LRMDA: variants seen among roughly 807,000 people sequenced by gnomAD.
LRMDA encodes the protein leucine-rich melanocyte differentiation-associated protein.
A neutral mutation model predicts 29.8 loss-of-function variants in LRMDA; 18 were observed. That is an observed-to-expected ratio of 0.60 (90% CI 0.42 to 0.90). The LOEUF (loss-of-function observed/expected upper bound fraction) is 0.90. Ranked by LOEUF, LRMDA falls within the 40% of genes least tolerant of loss-of-function variation. The pLI, the probability that LRMDA is intolerant of heterozygous loss-of-function variation, is 0.00. For missense variants in LRMDA, 273 were observed against 273.9 expected (o/e 1.00, Z 0.02); for synonymous variants, 125 against 109.4 (o/e 1.14, Z -0.89).
intron 2 of LRMDA, among the ~76,000 whole-genome samples, chr10:75,855,572 G>T (rs1274667630): frequency 6.6e-6 from 1 of 152,176 alleles, no homozygotes; most frequent in Non-Finnish European, 1.5e-5. Context: ...AGTTTAATTA[G>T]ATCCCATCTG....
intron 2 of LRMDA, among the ~76,000 whole-genome samples, chr10:75,697,850 T>TGC (rs1554821101): frequency 2.2e-4 from 34 of 151,702 alleles, no homozygotes; most frequent in Admixed American, 1.6e-3. Flanking sequence ...TGTGTGTGTG[T>TGC]GCGTGTGTGT....
At chr10:76,321,396 C>T (rs1840768838) in intron 5 of LRMDA, among the ~76,000 whole-genome samples, 1 of 152,166 alleles carries the variant, frequency 6.6e-6, no homozygotes. Flanking sequence ...AAAATCGTAT[C>T]TTGTTTTAAT....
At chr10:75,566,142 A>T (rs1840369432) in intron 2 of LRMDA, among the ~76,000 whole-genome samples, 1 of 152,188 alleles carries the variant, frequency 6.6e-6, no homozygotes, top group South Asian at 2.1e-4. Context: ...AGCTTTTAGG[A>T]TGGAGGGCTT....
chr10:76,295,220 A>G (rs1437592000), intron 5 of LRMDA, among the ~76,000 whole-genome samples: 1 of 152,204 alleles, frequency 6.6e-6, no homozygotes, highest in Non-Finnish European at 1.5e-5. Flanking sequence ...ATTAAACAAA[A>G]TGATATTCTT....
intron 2 of LRMDA, among the ~76,000 whole-genome samples, chr10:75,656,590 G>A (rs1348489969): frequency 6.6e-6 from 1 of 152,090 alleles, no homozygotes; most frequent in African/African-American, 2.4e-5. Flanking sequence ...GCCCCTGTTT[G>A]TCCCCCATTA....
At chr10:75,763,455 G>A (rs907668019) in intron 2 of LRMDA, among the ~76,000 whole-genome samples, 1 of 152,076 alleles carries the variant, frequency 6.6e-6, no homozygotes, top group Non-Finnish European at 1.5e-5. Context: ...GGGTTCTTTG[G>A]ATTTTCATTT....
intron 6 of LRMDA, among the ~76,000 whole-genome samples, chr10:76,527,934 A>G (rs994470686): frequency 1.3e-5 from 2 of 152,184 alleles, no homozygotes; most frequent in African/African-American, 2.4e-5. Context: ...CATAAAACAC[A>G]GTGAGAAACA....
rs373923919 is a variant in LRMDA, at chr10:76,065,709, A to G, written c.516+6926A>G. Among the ~76,000 whole-genome samples, 19 of 152,336 alleles carry G rather than the reference A, an allele frequency of 1.2e-4. No individual in the cohort carries two copies. In the East Asian group the frequency reaches 3.7e-3, roughly 29 times the overall value. Reference sequence around the variant, plus strand: ...AACTGGGAGAAGTGTGGTAGATTGCATTGTTTGTCTAAAACCATTCCTTTC... The same window carrying G: ...AACTGGGAGAAGTGTGGTAGATTGCGTTGTTTGTCTAAAACCATTCCTTTC... On this transcript the variant is annotated intron_variant, in intron 5 of 6. Coordinates refer to ENST00000611255, the MANE Select transcript of LRMDA (RefSeq NM_001305581.2).
intron 5 of LRMDA, among the ~76,000 whole-genome samples, chr10:76,202,739 G>A (rs1851455974): frequency 2.0e-5 from 3 of 152,026 alleles, no homozygotes; most frequent in South Asian, 2.1e-4. Context: ...TTAGCTCATG[G>A]AAGGGGAACT....
At chr10:76,363,173 GAAA>G (rs1564520649) in intron 6 of LRMDA, among the ~76,000 whole-genome samples, 2,581 of 36,078 alleles carry the variant, frequency 0.072, 175 homozygotes, top group Middle Eastern at 0.11. Context: ...AAGAAAGAAA[GAAA>G]GGAGGGAGGG....
At chr10:75,649,009 A>G (rs970707713) in intron 2 of LRMDA, among the ~76,000 whole-genome samples, 1 of 152,198 alleles carries the variant, frequency 6.6e-6, no homozygotes, top group African/African-American at 2.4e-5. Context: ...TATACAGTTC[A>G]GTGGCATTAA....
chr10:76,505,371 A>G (rs1080874), intron 6 of LRMDA, among the ~76,000 whole-genome samples: 101,078 of 151,908 alleles, frequency 0.67, 35,731 homozygotes, highest in Non-Finnish European at 0.81. Flanking sequence ...GATTGGAGAA[A>G]TGTTCATGGA....
intron 2 of LRMDA, among the ~76,000 whole-genome samples, chr10:75,576,010 T>G (rs1840501629): frequency 6.7e-6 from 1 of 150,140 alleles, no homozygotes; most frequent in Non-Finnish European, 1.5e-5. Flanking sequence ...GGAATGCCAG[T>G]GAGACAGAAC....
Position 76,549,127 on chromosome 10 carries a change from A to G in LRMDA, c.602-8082A>G, listed in dbSNP as rs145099770. On this transcript the variant is annotated intron_variant, in intron 6 of 6. Transcript: ENST00000611255. ...CACCTCCCCTTCTTCTTCTAAGATGACAAGCCTCATTTCAGCTGCCCTGGG... is the reference window on the plus strand; with the variant it reads ...CACCTCCCCTTCTTCTTCTAAGATGGCAAGCCTCATTTCAGCTGCCCTGGG... Among the ~76,000 whole-genome samples, 1,125 of 152,162 alleles carry G rather than the reference A, an allele frequency of 7.4e-3. 9 individuals carry two copies. The highest frequency in any genetic ancestry group is 0.027 in the Middle Eastern group (8 of 294).
At chr10:76,465,593 A>G (rs560735052) in intron 6 of LRMDA, among the ~76,000 whole-genome samples, 1 of 152,196 alleles carries the variant, frequency 6.6e-6, no homozygotes, top group Non-Finnish European at 1.5e-5. Context: ...GTTTTGTACG[A>G]CCACTCCTGG....
intron 2 of LRMDA, among the ~76,000 whole-genome samples, chr10:76,005,409 T>C (rs994860305): frequency 2.6e-5 from 4 of 152,268 alleles, no homozygotes; most frequent in African/African-American, 9.6e-5. Flanking sequence ...GAAGAGAACA[T>C]AGCTATCTTG....
intron 5 of LRMDA, among the ~76,000 whole-genome samples, chr10:76,201,435 G>T (rs1188786274): frequency 1.3e-5 from 2 of 152,204 alleles, no homozygotes; most frequent in Admixed American, 6.5e-5. Context: ...GAGCTGAAAT[G>T]ATTTGTCGAA....
rs1191165482 is a variant in LRMDA, at chr10:76,429,041, A to AAC, written c.601+104572_601+104573dup. On this transcript the variant is annotated intron_variant, in intron 6 of 6. Transcript: ENST00000611255. ...CCAATTATACACACACACACACACA[A>AAC]ACACACACACACACACATTCCCCAC... Among the ~76,000 whole-genome samples, 93 of 64,030 alleles carry AAC rather than the reference A, an allele frequency of 1.5e-3. 1 individual carries two copies. Among genetic ancestry groups the AAC allele is most frequent in the African/African-American group, 3.8e-3 (76 of 20,254 alleles). 42.0% of individuals were successfully genotyped at this position (64,030 alleles called of 152,430 possible).
At chr10:75,884,997 G>A (rs1281638436) in intron 2 of LRMDA, among the ~76,000 whole-genome samples, 1 of 152,080 alleles carries the variant, frequency 6.6e-6, no homozygotes, top group Non-Finnish European at 1.5e-5. Flanking sequence ...AGGGAGCACT[G>A]CAGTTCAGGA....
Sources: allele counts gnomAD v4.1 joint callset (sites outside exome capture counted in the v4.1 genomes callset), GRCh38; gene constraint gnomAD v4.1.1; transcripts MANE v1.5; gene names NCBI Gene and HGNC (gene_info 2026-07-23, HGNC 2026-07-21).